The following TNIK variants were observed in gnomAD, a reference collection of about 807,000 sequenced individuals.
TNIK encodes TRAF2 and NCK interacting kinase.
A neutral mutation model predicts 191.3 loss-of-function variants in TNIK; 49 were observed. That is an observed-to-expected ratio of 0.26 (90% CI 0.20 to 0.32). The LOEUF (loss-of-function observed/expected upper bound fraction) is 0.32. Among genes scored for constraint, TNIK ranks in the 10% least tolerant of loss-of-function variants. TNIK has a pLI of 1.00. For synonymous variants in TNIK, 594 were observed against 600.9 expected (o/e 0.99, Z 0.17); for missense variants, 1,155 against 1,702.3 (o/e 0.68, Z 5.66).
intron 8 of TNIK, among the ~76,000 whole-genome samples, 168 bp from the exon 9 acceptor site, chr3:171,175,498 T>C (rs1335415783): frequency 6.6e-6 from 1 of 152,210 alleles, no homozygotes; most frequent in African/African-American, 2.4e-5. Context: ...AAAGATCCAA[T>C]ATCCACTTAC....
chr3:171,393,826 AG>A (rs1337570205), intron 1 of TNIK, among the ~76,000 whole-genome samples: 1 of 152,234 alleles, frequency 6.6e-6, no homozygotes, highest in Non-Finnish European at 1.5e-5. Flanking sequence ...AAATCTACAC[AG>A]GACACGGACA....
intron 2 of TNIK, among the ~76,000 whole-genome samples, chr3:171,335,439 C>A (rs1756865748): frequency 6.6e-6 from 1 of 152,174 alleles, no homozygotes; most frequent in South Asian, 2.1e-4. Context: ...CACATCACCT[C>A]CCCATAATCC....
At chr3:171,181,783 T>C (rs1193386103) in intron 7 of TNIK, among the ~76,000 whole-genome samples, 1 of 152,184 alleles carries the variant, frequency 6.6e-6, no homozygotes, top group Non-Finnish European at 1.5e-5. Flanking sequence ...CAGTGAAGCA[T>C]CACATGAACC....
intron 23 of TNIK, among the ~76,000 whole-genome samples, chr3:171,090,849 G>T (rs9871365): frequency 0.045 from 6,807 of 152,210 alleles, 515 homozygotes; most frequent in African/African-American, 0.16. Context: ...GATCATGAGT[G>T]TTAGAGTGGT....
intron 1 of TNIK, among the ~76,000 whole-genome samples, chr3:171,448,909 C>T (rs1253775632): frequency 6.6e-6 from 1 of 152,140 alleles, no homozygotes; most frequent in Admixed American, 6.5e-5. Flanking sequence ...CCTAGCCCCC[C>T]ATTTACTGAC....
In TNIK at chr3:171,243,428, T is replaced by A. The variant is rs893560229; in HGVS notation, c.124-15207A>T. Among the ~76,000 whole-genome samples the A allele has an allele frequency of 2.7e-5, 4 of 147,066 alleles. No individual in the cohort carries two copies. In the East Asian group the frequency reaches 5.9e-4, roughly 22 times the overall value. On this transcript the variant is annotated intron_variant, in intron 2 of 32. Coordinates refer to ENST00000436636, the MANE Select transcript of TNIK (RefSeq NM_015028.4). ...AATGAACATAATATTTATAGTAAAT[T>A]AAAAAAAAAAAACACCTTCTTATCC...
intron 2 of TNIK, among the ~76,000 whole-genome samples, chr3:171,324,869 C>T (rs113742127): frequency 0.012 from 1,889 of 152,058 alleles, 45 homozygotes; most frequent in African/African-American, 0.044. Flanking sequence ...GAGGCCAAGG[C>T]GGGCGGATCA....
chr3:171,417,556 C>A (rs1429087920), intron 1 of TNIK, among the ~76,000 whole-genome samples: 1 of 152,078 alleles, frequency 6.6e-6, no homozygotes, highest in Non-Finnish European at 1.5e-5. Flanking sequence ...AGTTAAAAAT[C>A]ATTTAACTTT....
intron 2 of TNIK, among the ~76,000 whole-genome samples, chr3:171,350,832 A>C (rs888940009): frequency 6.6e-6 from 1 of 152,190 alleles, no homozygotes; most frequent in African/African-American, 2.4e-5. Context: ...AATGAAGCCT[A>C]GGTCTACCAA....
intron 2 of TNIK, among the ~76,000 whole-genome samples, chr3:171,353,234 C>T (rs1713484691): frequency 6.6e-6 from 1 of 152,154 alleles, no homozygotes; most frequent in Admixed American, 6.5e-5. Flanking sequence ...GAGCAGTCGA[C>T]CCCACCATGC....
At chr3:171,228,715 A>C (rs1332221396) in intron 2 of TNIK, among the ~76,000 whole-genome samples, 1 of 152,230 alleles carries the variant, frequency 6.6e-6, no homozygotes, top group Non-Finnish European at 1.5e-5. Context: ...AAACTAAAAC[A>C]GATAGCAATC....
intron 1 of TNIK, among the ~76,000 whole-genome samples, chr3:171,382,824 T>C (rs1057264353): frequency 6.6e-6 from 1 of 152,178 alleles, no homozygotes; most frequent in Non-Finnish European, 1.5e-5. Flanking sequence ...ATAAAGCCTC[T>C]AAGAGTGTTC....
chr3:171,195,527 T>C (rs1738575438), intron 4 of TNIK, among the ~76,000 whole-genome samples: 2 of 152,174 alleles, frequency 1.3e-5, no homozygotes, highest in South Asian at 4.1e-4. Context: ...AAAACCACAT[T>C]GATGGCTTTG....
intron 2 of TNIK, among the ~76,000 whole-genome samples, chr3:171,271,600 G>C (rs1483759286): frequency 6.6e-6 from 1 of 152,160 alleles, no homozygotes; most frequent in Non-Finnish European, 1.5e-5. Flanking sequence ...TACCTCTCAT[G>C]TGTTCCCAGA....
At chr3:171,441,772 T>C (rs902151510) in intron 1 of TNIK, among the ~76,000 whole-genome samples, 31 of 152,208 alleles carry the variant, frequency 2.0e-4, no homozygotes, top group African/African-American at 7.0e-4. Flanking sequence ...CCACCGGCAA[T>C]GTATGAGAGT....
chr3:171,224,493 T>C (rs1742745291), intron 3 of TNIK, among the ~76,000 whole-genome samples: 1 of 151,734 alleles, frequency 6.6e-6, no homozygotes, highest in South Asian at 2.1e-4. Context: ...CAAAAAACCA[T>C]AGCTCCTTCA....
intron 1 of TNIK, among the ~76,000 whole-genome samples, chr3:171,435,749 C>T (rs991051753): frequency 1.3e-5 from 2 of 152,144 alleles, no homozygotes; most frequent in Non-Finnish European, 2.9e-5. Context: ...CAGTTCCATA[C>T]TGTTAATTAG....
chr3:171,242,702 G>C (rs527334750), intron 2 of TNIK, among the ~76,000 whole-genome samples: 6 of 152,204 alleles, frequency 3.9e-5, no homozygotes, highest in Non-Finnish European at 2.9e-5. Context: ...CTCTTAACCA[G>C]AAAATCTGTC....
In TNIK at chr3:171,091,957, T is replaced by TCTTTC. The variant is rs201216626; in HGVS notation, c.2721+1881_2721+1882insGAAAG. Among the ~76,000 whole-genome samples the TCTTTC allele has an allele frequency of 2.0e-5, 3 of 146,904 alleles. 1 individual carries two copies. Among genetic ancestry groups the TCTTTC allele is most frequent in the South Asian group, 4.7e-4 (2 of 4,236 alleles). On this transcript the variant is annotated intron_variant, in intron 23 of 32. Coordinates refer to ENST00000436636, the MANE Select transcript of TNIK (RefSeq NM_015028.4). ...TATTTTCTTTCTTTCTTTCTTTCTT[T>TCTTTC]TTTTTTTTTTAAGACAGAGTCTCGT... is the stretch of plus-strand genomic sequence containing the variant.
Sources: gnomAD v4.1 joint callset for allele counts (sites outside exome capture counted in the v4.1 genomes callset) on GRCh38, gnomAD v4.1.1 for gene constraint, MANE v1.5 for transcripts, NCBI Gene and HGNC (gene_info 2026-07-23, HGNC 2026-07-21) for gene names.